SLC24A4: variants seen among roughly 807,000 people sequenced by gnomAD.
The protein encoded by SLC24A4 is sodium/potassium/calcium exchanger 4.
SLC24A4 carries 53 observed loss-of-function variants against 79.0 expected under a neutral mutation model. That is an observed-to-expected ratio of 0.67 (90% CI 0.54 to 0.84). SLC24A4 has a LOEUF of 0.84. SLC24A4 is among the 40% of genes least tolerant of loss of function. The pLI is 0.00. For synonymous variants in SLC24A4, 323 were observed against 323.8 expected, an observed-to-expected ratio of 1.00 and a Z score of 0.03; for missense variants, 731 against 822.0, an observed-to-expected ratio of 0.89 and a Z score of 1.35.
chr14:92,483,761 T>G (rs1315728699), intron 13 of SLC24A4: 1 of 1,289,932 alleles, frequency 7.8e-7, no homozygotes, highest in African/African-American at 1.5e-5. Context: ...CCAGCATGGC[T>G]GCAGTTCTGT....
Position 92,323,980 on chromosome 14 carries a change from C to A in SLC24A4, c.130+20C>A, listed in dbSNP as rs773728616. 1 of 1,605,762 alleles carries A rather than the reference C, an allele frequency of 6.2e-7. No homozygotes were observed. Among genetic ancestry groups the A allele is most frequent in the Non-Finnish European group, 8.5e-7 (1 of 1,177,110 alleles). On this transcript the variant is annotated intron_variant, in intron 1 of 16. Coordinates refer to ENST00000532405, the MANE Select transcript of SLC24A4 (RefSeq NM_153646.4). The surrounding 1 kb of genome is among the most constrained non-coding windows in gnomAD (Gnocchi z 4.9). Reference sequence around the variant, plus strand: ...GCTTGGGTGGGTGCTGGTACGGGTCCCCTCTTCCTGGGGAGTTGGGGGCTT... The same window carrying A: ...GCTTGGGTGGGTGCTGGTACGGGTCACCTCTTCCTGGGGAGTTGGGGGCTT...
At chr14:92,438,000 G>C (rs549900460) in intron 3 of SLC24A4, among the ~76,000 whole-genome samples, 1 of 152,106 alleles carries the variant, frequency 6.6e-6, no homozygotes, top group Non-Finnish European at 1.5e-5. Flanking sequence ...AACAAAATGC[G>C]TGTGGGTTTT....
At chr14:92,484,309 C>G in intron 13 of SLC24A4, 1 of 985,406 alleles carries the variant, frequency 1.0e-6, no homozygotes, top group Non-Finnish European at 1.2e-6. Context: ...AGAGACCTGC[C>G]GCAACCTCTG....
chr14:92,447,940 C>T (rs1892896211), intron 9 of SLC24A4, among the ~76,000 whole-genome samples: 1 of 152,208 alleles, frequency 6.6e-6, no homozygotes, highest in Non-Finnish European at 1.5e-5. Context: ...AGAAGCTACC[C>T]AGGTCAGAAC....
At chr14:92,438,212 T>C (rs1232254547) in intron 3 of SLC24A4, among the ~76,000 whole-genome samples, 1 of 152,236 alleles carries the variant, frequency 6.6e-6, no homozygotes, top group Non-Finnish European at 1.5e-5. Flanking sequence ...AGGATTCCGA[T>C]GACCCGCTCT....
At chr14:92,422,266 G>A (rs899487125) in intron 2 of SLC24A4, among the ~76,000 whole-genome samples, 1 of 152,222 alleles carries the variant, frequency 6.6e-6, no homozygotes, top group African/African-American at 2.4e-5. Flanking sequence ...TTCCTGGGCC[G>A]TCAGTGGCTT....
chr14:92,342,363 C>CATTTATTTATTT (rs10664923), intron 2 of SLC24A4, among the ~76,000 whole-genome samples: 11,034 of 137,690 alleles, frequency 0.08, 516 homozygotes, highest in Middle Eastern at 0.13. Context: ...TTTTTTTCCC[C>CATTTATTTATTT]ATTTATTTAT....
intron 2 of SLC24A4, among the ~76,000 whole-genome samples, chr14:92,410,216 C>G (rs777673862): frequency 3.3e-5 from 5 of 152,204 alleles, no homozygotes; most frequent in Non-Finnish European, 7.4e-5. Context: ...AGGTCTCACT[C>G]TGTCACCCAG....
intron 3 of SLC24A4, among the ~76,000 whole-genome samples, chr14:92,439,066 C>A (rs1295123589): frequency 2.0e-5 from 3 of 152,228 alleles, no homozygotes; most frequent in Non-Finnish European, 4.4e-5. Flanking sequence ...ATATATGTTT[C>A]TTATTAGATC....
chr14:92,405,099 C>T (rs1308660891), intron 2 of SLC24A4, among the ~76,000 whole-genome samples: 1 of 151,712 alleles, frequency 6.6e-6, no homozygotes. Flanking sequence ...TGGGTACAAA[C>T]CCCAACTTTG....
In SLC24A4 at chr14:92,493,747, C is replaced by G. The variant is rs1315344033; in HGVS notation, c.*119C>G. 1.7e-6 allele frequency: 2 copies of G among 1,199,484 alleles called. No homozygotes were observed. The highest frequency in any genetic ancestry group is 2.3e-6 in the Non-Finnish European group (2 of 863,928). 74.3% of individuals were successfully genotyped at this position (1,199,484 alleles called of 1,614,324 possible). A position where few individuals can be genotyped will look rare whatever the true frequency, so the allele number is the denominator to read the frequency against. ...TAGGCAGCCACTGTCCGTTCTTTCA[C>G]ACACTGGAAGGAAGAGCCATCGTGG... On this transcript the variant is annotated 3_prime_UTR_variant, in exon 17 of 17. Transcript: ENST00000532405.
At chr14:92,448,958 A>G in intron 9 of SLC24A4, 116 bp from the exon 10 acceptor site, 1 of 1,268,048 alleles carries the variant, frequency 7.9e-7, no homozygotes, top group Non-Finnish European at 1.1e-6. Flanking sequence ...CTCCCCTGCC[A>G]CCCACCACTC....
At chr14:92,359,706 C>G (rs1887391241) in intron 2 of SLC24A4, among the ~76,000 whole-genome samples, 2 of 152,308 alleles carry the variant, frequency 1.3e-5, no homozygotes, top group South Asian at 2.1e-4. Context: ...CATGATCACT[C>G]AAGTCAAGAA....
chr14:92,380,944 G>C (rs1429535376), intron 2 of SLC24A4, among the ~76,000 whole-genome samples: 2 of 152,196 alleles, frequency 1.3e-5, no homozygotes, highest in Admixed American at 1.3e-4. Context: ...TTTTGGGCCT[G>C]CTGTGAGGGT....
intron 2 of SLC24A4, among the ~76,000 whole-genome samples, chr14:92,331,932 A>T (rs950229708): frequency 6.6e-6 from 1 of 152,064 alleles, no homozygotes; most frequent in African/African-American, 2.4e-5. Context: ...CCTCTAGCTT[A>T]CTCTATGTAA....
At chr14:92,411,603 A>G (rs557534059) in intron 2 of SLC24A4, among the ~76,000 whole-genome samples, 2 of 152,288 alleles carry the variant, frequency 1.3e-5, no homozygotes, top group East Asian at 3.9e-4. Flanking sequence ...CCTGTAGTTC[A>G]TGGTTTCCCT....
At chr14:92,444,660 GCCTGGC>G (rs1892687960) in intron 7 of SLC24A4, among the ~76,000 whole-genome samples, 1 of 152,166 alleles carries the variant, frequency 6.6e-6, no homozygotes, top group South Asian at 2.1e-4. Context: ...TTTGAGACCA[GCCTGGC>G]CAACATGGTG....
At chr14:92,357,021 G>A (rs1887221078) in intron 2 of SLC24A4, among the ~76,000 whole-genome samples, 1 of 152,210 alleles carries the variant, frequency 6.6e-6, no homozygotes, top group Admixed American at 6.5e-5. Context: ...CTTCCTCTGT[G>A]TTTGACTCAA....
intron 2 of SLC24A4, among the ~76,000 whole-genome samples, chr14:92,395,927 G>C (rs1889747964): frequency 6.6e-6 from 1 of 152,212 alleles, no homozygotes; most frequent in African/African-American, 2.4e-5. Flanking sequence ...CTGGGTTCAA[G>C]TGATTCTCCT....
Sources: allele counts gnomAD v4.1 joint callset (sites outside exome capture counted in the v4.1 genomes callset), GRCh38; gene constraint gnomAD v4.1.1; non-coding constraint Gnocchi (gnomAD v3.1); transcripts MANE v1.5; gene names NCBI Gene and HGNC (gene_info 2026-07-23, HGNC 2026-07-21).